RHOBTB1: variants seen among roughly 807,000 people sequenced by gnomAD.
The protein encoded by RHOBTB1 is Rho related BTB domain containing 1.
Under a neutral mutation model 71.6 loss-of-function variants are expected in RHOBTB1, and 40 were observed. The observed-to-expected ratio is 0.56, with a 90% CI of 0.43 to 0.73. RHOBTB1 has a LOEUF of 0.73. Among genes scored for constraint, RHOBTB1 ranks in the 30% least tolerant of loss-of-function variants. The pLI is 0.00. For missense variants in RHOBTB1, 797 were observed against 894.0 expected (o/e 0.89, Z 1.38); for synonymous variants, 319 against 334.9 (o/e 0.95, Z 0.52).
chr10:60,896,193 C>T (rs2082152685), intron 4 of RHOBTB1, among the ~76,000 whole-genome samples: 1 of 152,210 alleles, frequency 6.6e-6, no homozygotes, highest in Non-Finnish European at 1.5e-5. Flanking sequence ...GGAGACTGTT[C>T]AATGTCTGAC....
chr10:60,919,039 C>G (rs1313579302), intron 2 of RHOBTB1, among the ~76,000 whole-genome samples: 2 of 152,166 alleles, frequency 1.3e-5, no homozygotes, highest in Non-Finnish European at 2.9e-5. Context: ...AGCCAACATG[C>G]CTGGCCCTAT....
intron 2 of RHOBTB1, among the ~76,000 whole-genome samples, chr10:60,976,140 C>T (rs1019230147): frequency 6.6e-5 from 10 of 151,832 alleles, no homozygotes; most frequent in Non-Finnish European, 1.2e-4. Flanking sequence ...AAGTCTTGGA[C>T]TAGGAAAAGC....
At chr10:60,908,069 T>C (rs1205595266) in intron 4 of RHOBTB1, among the ~76,000 whole-genome samples, 3 of 152,158 alleles carry the variant, frequency 2.0e-5, no homozygotes, top group African/African-American at 7.2e-5. Context: ...GGTAGAATAG[T>C]TCCATTTAAA....
intron 2 of RHOBTB1, among the ~76,000 whole-genome samples, chr10:60,951,682 A>AC (rs2085413161): frequency 6.6e-6 from 1 of 152,234 alleles, no homozygotes; most frequent in South Asian, 2.1e-4. Context: ...GGTGAGAGGC[A>AC]CGGAAGCTTC....
intron 1 of RHOBTB1, among the ~76,000 whole-genome samples, chr10:60,986,302 A>C (rs2086657440): frequency 6.6e-6 from 1 of 151,700 alleles, no homozygotes; most frequent in South Asian, 2.1e-4. Context: ...ATGTTTGGAA[A>C]GGAATTTAGT....
intron 2 of RHOBTB1, among the ~76,000 whole-genome samples, chr10:60,969,941 C>G (rs1382099986): frequency 6.6e-6 from 1 of 152,126 alleles, no homozygotes; most frequent in Non-Finnish European, 1.5e-5. Context: ...GGACTTCAAA[C>G]ATCAACCCAT....
At chr10:60,867,737 T>C (rs1371118284), downstream of RHOBTB1, among the ~76,000 whole-genome samples, 2 of 152,218 alleles carry the variant, frequency 1.3e-5, no homozygotes, top group Non-Finnish European at 2.9e-5. Flanking sequence ...AGAAGCACTG[T>C]CAGCACAAGG....
At chr10:60,899,554 A>G (rs1341626647) in intron 4 of RHOBTB1, among the ~76,000 whole-genome samples, 1 of 152,234 alleles carries the variant, frequency 6.6e-6, no homozygotes, top group East Asian at 1.9e-4. Flanking sequence ...TGATGACAAA[A>G]GGACTCTACC....
intron 4 of RHOBTB1, among the ~76,000 whole-genome samples, chr10:60,904,645 A>G (rs1176357587): frequency 6.6e-6 from 1 of 152,210 alleles, no homozygotes; most frequent in Non-Finnish European, 1.5e-5. Flanking sequence ...GGTGTTTACC[A>G]AAGTGGGGCC....
At chr10:60,934,399 T>A (rs1258471055) in intron 2 of RHOBTB1, among the ~76,000 whole-genome samples, 1 of 152,102 alleles carries the variant, frequency 6.6e-6, no homozygotes, top group African/African-American at 2.4e-5. Flanking sequence ...AAAACCTACA[T>A]AGCCCCTCAG....
chr10:60,894,160 C>T (rs1282837503), intron 4 of RHOBTB1, among the ~76,000 whole-genome samples: 1 of 152,166 alleles, frequency 6.6e-6, no homozygotes, highest in African/African-American at 2.4e-5. Flanking sequence ...CAAATATATG[C>T]AGGCAACCAT....
At chr10:60,945,258 G>A (rs1306736887), upstream of RHOBTB1, among the ~76,000 whole-genome samples, 1 of 152,128 alleles carries the variant, frequency 6.6e-6, no homozygotes, top group Non-Finnish European at 1.5e-5. Flanking sequence ...AGACACAACT[G>A]TGTTCAGCTA....
chr10:60,880,547 G>C lies in RHOBTB1; in HGVS notation c.1576-2489C>G, dbSNP rs80248114. Among the ~76,000 whole-genome samples, 245 of 152,224 alleles carry C rather than the reference G, an allele frequency of 1.6e-3. 1 individual carries two copies. Among genetic ancestry groups the C allele is most frequent in the African/African-American group, 5.6e-3 (233 of 41,566 alleles). ...CATGGTTGGTGAAAACGACAATTAT[G>C]ATTCCATAAATAAGTTACATAAGTC... On this transcript the variant is annotated intron_variant, in intron 7 of 10. Coordinates refer to ENST00000337910, the MANE Select transcript of RHOBTB1 (RefSeq NM_014836.5).
At chr10:60,976,933 G>A (rs933799147) in intron 2 of RHOBTB1, among the ~76,000 whole-genome samples, 1 of 151,914 alleles carries the variant, frequency 6.6e-6, no homozygotes, top group African/African-American at 2.4e-5. Context: ...CCAATCTTTA[G>A]ACTTTATCAG....
intron 2 of RHOBTB1, among the ~76,000 whole-genome samples, chr10:60,930,318 A>G (rs984094100): frequency 6.6e-6 from 1 of 152,294 alleles, no homozygotes; most frequent in African/African-American, 2.4e-5. Flanking sequence ...GATTGTTGTG[A>G]AGATTATATT....
chr10:60,990,883 T>C (rs2086840544), intron 1 of RHOBTB1, among the ~76,000 whole-genome samples: 1 of 152,244 alleles, frequency 6.6e-6, no homozygotes, highest in South Asian at 2.1e-4. Context: ...ATCCAATGTC[T>C]GTCTGCTGTC....
intron 6 of RHOBTB1, among the ~76,000 whole-genome samples, chr10:60,887,904 G>A (rs1422660425): frequency 6.6e-6 from 1 of 152,148 alleles, no homozygotes; most frequent in Admixed American, 6.5e-5. Flanking sequence ...TATGGAACAG[G>A]TTTTGATACC....
intron 2 of RHOBTB1, among the ~76,000 whole-genome samples, chr10:60,933,496 C>A (rs188547715): frequency 0.059 from 8,946 of 151,870 alleles, 506 homozygotes; most frequent in African/African-American, 0.14. Flanking sequence ...CTGAGGCAGG[C>A]AGATCACAAG....
chr10:60,913,740 G>C (rs2083116218), intron 2 of RHOBTB1, among the ~76,000 whole-genome samples: 1 of 152,142 alleles, frequency 6.6e-6, no homozygotes, highest in Non-Finnish European at 1.5e-5. Context: ...ATGTTACAGG[G>C]CTGAGGTTGT....
Sources: allele counts gnomAD v4.1 joint callset (sites outside exome capture counted in the v4.1 genomes callset), GRCh38; gene constraint gnomAD v4.1.1; transcripts MANE v1.5; gene names NCBI Gene and HGNC (gene_info 2026-07-23, HGNC 2026-07-21).